CCDC136: variants seen among roughly 807,000 people sequenced by gnomAD.
The protein encoded by CCDC136 is coiled-coil domain-containing protein 136.
Under a neutral mutation model 141.2 loss-of-function variants are expected in CCDC136, and 100 were observed. The observed-to-expected ratio is 0.71, with a 90% CI of 0.60 to 0.84. CCDC136 has a LOEUF of 0.84. Among genes scored for constraint, CCDC136 ranks in the 40% least tolerant of loss-of-function variants. The pLI is 0.00. For synonymous variants in CCDC136, 474 were observed against 531.9 expected (o/e 0.89, Z 1.50); for missense variants, 1,206 against 1,379.4 (o/e 0.87, Z 1.99).
chr7:128,807,797 T>G (rs1374253572), intron 10 of CCDC136: 1 of 284,258 alleles, frequency 3.5e-6, no homozygotes, highest in Non-Finnish European at 6.5e-6. Flanking sequence ...CATGATTCCA[T>G]GTATGTAGAC....
intron 4 of CCDC136, among the ~76,000 whole-genome samples, chr7:128,801,805 G>A (rs1313167152): frequency 6.6e-6 from 1 of 152,130 alleles, no homozygotes; most frequent in Non-Finnish European, 1.5e-5. Context: ...TAAAAAGACA[G>A]TAAAGGGGAA....
intron 3 of CCDC136, among the ~76,000 whole-genome samples, chr7:128,798,973 CATCT>C (rs1348521741): frequency 1.3e-5 from 2 of 151,842 alleles, no homozygotes; most frequent in Admixed American, 1.3e-4. Flanking sequence ...CACCACTCAG[CATCT>C]ATCTATGAAG....
At position 128,817,171 on chromosome 7, in the gene CCDC136, C is replaced by T. The variant is rs938331107; in HGVS notation, c.3364-587C>T. On this transcript the variant is annotated intron_variant, in intron 16 of 17. Coordinates refer to ENST00000297788, the MANE Select transcript of CCDC136 (RefSeq NM_022742.5). This position sits in a 1 kb window ranked among gnomAD's most constrained non-coding sequence, Gnocchi z 4.6. ...TGGGTCCTGCGTCTTTTGCAGGCAGCTCTAGGGCATGTGTATTACCACCTT... is the reference window on the plus strand; with the variant it reads ...TGGGTCCTGCGTCTTTTGCAGGCAGTTCTAGGGCATGTGTATTACCACCTT... Among the ~76,000 whole-genome samples, 3 of 152,216 alleles carry T rather than the reference C, an allele frequency of 2.0e-5. No homozygotes were observed. The highest frequency in any genetic ancestry group is 4.4e-5 in the Non-Finnish European group (3 of 68,046).
chr7:128,791,399 C>A, upstream of CCDC136: 1 of 896,150 alleles, frequency 1.1e-6, no homozygotes, highest in East Asian at 3.5e-5. This position sits in a 1 kb window ranked among gnomAD's most constrained non-coding sequence, Gnocchi z 7.1. Context: ...CCCCCTCGTC[C>A]GCCCTCCCTC....
At chr7:128,814,306 G>A (rs4731516) in intron 14 of CCDC136, among the ~76,000 whole-genome samples, 3,776 of 152,040 alleles carry the variant, frequency 0.025, 73 homozygotes, top group Middle Eastern at 0.082. Context: ...GGCTGGTCTC[G>A]AACTCCTGAC....
chr7:128,801,307 A>G lies in CCDC136; in HGVS notation c.468A>G (p.Ala156=). The change falls in exon 4 of 18, where the codon GCA becomes GCG. Residue 156 remains alanine, a synonymous_variant. Transcript: ENST00000297788. Reference sequence around the variant, plus strand: ...CTGAGATCCAGAGTCTGCGGCAAGCAGCAGAGGATTCCGCAACTGAACATG... The same window carrying G: ...CTGAGATCCAGAGTCTGCGGCAAGCGGCAGAGGATTCCGCAACTGAACATG... ...AQAEIQSLRQ[A]AEDSATEHES... is the part of the protein sequence containing the mutation. 6.2e-7 allele frequency: 1 copy of G among 1,613,808 alleles called. No individual in the cohort carries two copies. The highest frequency in any genetic ancestry group is 8.5e-7 in the Non-Finnish European group (1 of 1,179,740).
chr7:128,809,084 G>A (rs750034244), intron 10 of CCDC136: 8 of 549,018 alleles, frequency 1.5e-5, no homozygotes, highest in Admixed American at 5.5e-5. Context: ...AATAACAGGA[G>A]CTAAGAGTTC....
In CCDC136 at chr7:128,812,907, C is replaced by T. The variant is rs764097516; in HGVS notation, c.2741C>T (p.Ala914Val). The stretch of plus-strand genomic sequence containing the variant: ...ATGGAATGCCTTGAAAAGCCCATGG[C>T]CCCCCAGAACGACAAGAATGAGGTA... ...ECMECLEKPM[A>V]PQNDKNEIKE... Residue 914 changes from alanine (A) to valine (V), a missense_variant, in exon 14 of 18, where the codon GCC becomes GTC. Coordinates refer to ENST00000297788, the MANE Select transcript of CCDC136 (RefSeq NM_022742.5). 2.7e-5 allele frequency: 43 copies of T among 1,607,780 alleles called. No homozygotes were observed. The highest frequency in any genetic ancestry group is 1.8e-4 in the East Asian group (8 of 44,662).
In CCDC136 at chr7:128,794,329, G is replaced by A; in HGVS notation, c.17-19G>A. ...GGAAGTTGATGCTGACTCCTTGGTG[G>A]GATGGCTGTGTCTCCTAGGGGAGGT... is the stretch of plus-strand genomic sequence containing the variant. On this transcript the variant is annotated intron_variant, in intron 1 of 17. Transcript: ENST00000297788. The surrounding 1 kb of genome is among the most constrained non-coding windows in gnomAD (Gnocchi z 4.3). 1 of 1,551,890 alleles carries A rather than the reference G, an allele frequency of 6.4e-7. No homozygotes were observed. Among genetic ancestry groups the A allele is most frequent in the Non-Finnish European group, 8.7e-7 (1 of 1,147,000 alleles).
At chr7:128,811,727 G>A (rs1805748131) in intron 12 of CCDC136, 73 bp from the exon 13 acceptor site, 8 of 1,384,202 alleles carry the variant, frequency 5.8e-6, no homozygotes, top group Non-Finnish European at 7.9e-6. Flanking sequence ...TCAGACATCT[G>A]TACCAGGAGA....
intron 3 of CCDC136, among the ~76,000 whole-genome samples, chr7:128,800,847 C>G (rs1293126844): frequency 6.6e-6 from 1 of 152,130 alleles, no homozygotes; most frequent in Non-Finnish European, 1.5e-5. Flanking sequence ...TTCAGGGCAT[C>G]AAGAAAATAC....
chr7:128,809,490 A>G lies in CCDC136; in HGVS notation c.1646A>G (p.Lys549Arg). ...LLSRLTELQE[K>R]YKASQKEMGQ... ...TCCAGACTGACAGAATTGCAGGAAA[A>G]GTACAAGGCCAGCCAGAAGGAGATG... is the stretch of plus-strand genomic sequence containing the variant. The change falls in exon 11 of 18, where the codon AAG becomes AGG. Residue 549 changes from lysine (K) to arginine (R), a missense_variant. Transcript: ENST00000297788. The G allele has an allele frequency of 6.4e-7, 1 of 1,550,626 alleles. No homozygotes were observed. The highest frequency in any genetic ancestry group is 8.7e-7 in the Non-Finnish European group (1 of 1,147,300).
rs766125809 is a variant in CCDC136 at position 128,805,345 on chromosome 7, G to A, written c.783-14G>A. ...AACTCCCTTCAAGCATAGCTCTGCG[G>A]TTCTGAATTGCAGGACACAGAGAGC... is the stretch of plus-strand genomic sequence containing the variant. On this transcript the variant is annotated splice_polypyrimidine_tract_variant and intron_variant, in intron 5 of 17. Transcript: ENST00000297788. The surrounding 1 kb of genome is among the most constrained non-coding windows in gnomAD (Gnocchi z 4.6). 6 of 1,612,842 alleles carry A rather than the reference G, an allele frequency of 3.7e-6. No individual in the cohort carries two copies. Among genetic ancestry groups the A allele is most frequent in the Admixed American group, 1.7e-5 (1 of 60,008 alleles).
chr7:128,806,402 G>A lies in CCDC136; in HGVS notation c.1248+7G>A, dbSNP rs1296015075. The A allele has an allele frequency of 1.9e-6, 3 of 1,595,094 alleles. No individual in the cohort carries two copies. The highest frequency in any genetic ancestry group is 2.6e-6 in the Non-Finnish European group (3 of 1,167,970). On this transcript the variant is annotated splice_region_variant and intron_variant, in intron 8 of 17. Coordinates refer to ENST00000297788, the MANE Select transcript of CCDC136 (RefSeq NM_022742.5). ...AGAAAACCAGAGTGAGAAGGTAACA[G>A]CAACCAGAGGTGAGGGGACAACTTA...
At position 128,794,056 on chromosome 7, in the gene CCDC136, G is replaced by T. The variant is rs1164365132; in HGVS notation, c.17-292G>T. On this transcript the variant is annotated intron_variant, in intron 1 of 17. Transcript: ENST00000297788. The surrounding 1 kb of genome is among the most constrained non-coding windows in gnomAD (Gnocchi z 4.3). ...GCCTAGAAGAAGCAGGTAATCCTGT[G>T]CAAGTGTCTCATGGCTGAGCGGGCA... is the stretch of plus-strand genomic sequence containing the variant. Among the ~76,000 whole-genome samples the T allele has an allele frequency of 1.3e-5, 2 of 152,230 alleles. No homozygotes were observed. Among genetic ancestry groups the T allele is most frequent in the African/African-American group, 4.8e-5 (2 of 41,458 alleles).
At chr7:128,808,248 G>C (rs980650855) in intron 10 of CCDC136, among the ~76,000 whole-genome samples, 2 of 152,140 alleles carry the variant, frequency 1.3e-5, no homozygotes, top group Non-Finnish European at 2.9e-5. Flanking sequence ...TGTTGGTCAG[G>C]CTGGTCTCGA....
chr7:128,806,639 A>T (rs1023246621), intron 8 of CCDC136, 49 bp from the exon 9 acceptor site: 1 of 1,541,010 alleles, frequency 6.5e-7, no homozygotes, highest in African/African-American at 1.4e-5. Context: ...CAGAAGAGTG[A>T]GTGGGTTAAG....
chr7:128,807,914 C>T (rs917811452), intron 10 of CCDC136: 9 of 155,486 alleles, frequency 5.8e-5, no homozygotes, highest in African/African-American at 2.2e-4. Flanking sequence ...GAGAAAGGGG[C>T]CAGTTTTCTG....
rs376477504 is a variant in CCDC136, at chr7:128,810,210, A to G, written c.1872A>G (p.Glu624=). ...LQLLYQGMQE[E]QKKLIQNQDC... ...TGCTCTACCAAGGCATGCAGGAGGA[A>G]CAGAAGAAGCTGATACAGAACCAAG... is the stretch of plus-strand genomic sequence containing the variant. Residue 624 remains glutamate, a synonymous_variant, in exon 12 of 18, where the codon GAA becomes GAG. Coordinates refer to ENST00000297788, the MANE Select transcript of CCDC136 (RefSeq NM_022742.5). 2 of 1,611,284 alleles carry G rather than the reference A, an allele frequency of 1.2e-6. No homozygotes were observed. The highest frequency in any genetic ancestry group is 1.7e-6 in the Non-Finnish European group (2 of 1,178,714).
Sources: allele counts gnomAD v4.1 joint callset (sites outside exome capture counted in the v4.1 genomes callset), GRCh38; gene constraint gnomAD v4.1.1; non-coding constraint Gnocchi (gnomAD v3.1); transcripts MANE v1.5; gene names NCBI Gene and HGNC (gene_info 2026-07-23, HGNC 2026-07-21).